The following TRAPPC9 variants were observed in gnomAD, a reference collection of about 807,000 sequenced individuals.
The protein encoded by TRAPPC9 is IKK2 binding protein.
TRAPPC9 carries 83 observed loss-of-function variants against 124.0 expected under a neutral mutation model. The ratio of observed to expected loss-of-function variants is 0.67; its 90% CI spans 0.56 to 0.80. TRAPPC9 has a LOEUF of 0.80. TRAPPC9 is among the 30% of genes least tolerant of loss of function. The pLI is 0.00. For missense variants in TRAPPC9, 1,302 were observed against 1,508.3 expected, an observed-to-expected ratio of 0.86 and a Z score of 2.27; for synonymous variants, 638 against 617.5, an observed-to-expected ratio of 1.03 and a Z score of -0.49.
chr8:139,798,185 A>G (rs1823235869), intron 21 of TRAPPC9, among the ~76,000 whole-genome samples: 2 of 152,176 alleles, frequency 1.3e-5, no homozygotes, highest in South Asian at 4.1e-4. Flanking sequence ...ATTTCTTTTA[A>G]CAATGTTTTG....
intron 10 of TRAPPC9, among the ~76,000 whole-genome samples, chr8:140,300,913 C>T (rs978209967): frequency 6.6e-6 from 1 of 152,224 alleles, no homozygotes; most frequent in Non-Finnish European, 1.5e-5. Context: ...CTTGAAATCT[C>T]GCTTCACACT....
intron 18 of TRAPPC9, among the ~76,000 whole-genome samples, chr8:139,997,268 AG>A: frequency 6.6e-6 from 1 of 152,102 alleles, no homozygotes; most frequent in East Asian, 1.9e-4. Flanking sequence ...CAACCCTCAC[AG>A]GGGAGACAAT....
intron 19 of TRAPPC9, among the ~76,000 whole-genome samples, chr8:139,924,035 C>G (rs1832663801): frequency 6.6e-6 from 1 of 152,176 alleles, no homozygotes; most frequent in Admixed American, 6.5e-5. Context: ...GGGGAGGGGG[C>G]ATGGCCAGGA....
At chr8:140,320,349 C>T (rs1174532306) in intron 9 of TRAPPC9, among the ~76,000 whole-genome samples, 1 of 152,232 alleles carries the variant, frequency 6.6e-6, no homozygotes, top group African/African-American at 2.4e-5. Flanking sequence ...TGTACCAACA[C>T]AGGCTATGTT....
In TRAPPC9 at chr8:139,848,473, A is replaced by T. The variant is rs191190400; in HGVS notation, c.3055+37406T>A. Among the ~76,000 whole-genome samples, 6 of 152,338 alleles carry T rather than the reference A, an allele frequency of 3.9e-5. No individual in the cohort carries two copies. The East Asian group carries it at 1.2e-3, about 29-fold the overall frequency. ...GAGAGGAAAACTTCCAGTGTTTATT[A>T]GGAAACCAGGACATGAGATATGGAA... On this transcript the variant is annotated intron_variant, in intron 21 of 22. Coordinates refer to ENST00000438773, the MANE Select transcript of TRAPPC9 (RefSeq NM_001160372.4).
intron 5 of TRAPPC9, among the ~76,000 whole-genome samples, chr8:140,410,141 C>CA (rs61149910): frequency 0.14 from 9,937 of 69,872 alleles, 1,972 homozygotes; most frequent in East Asian, 0.37. Context: ...ACCTTGTCTC[C>CA]AAAAAAAAAA....
chr8:139,941,140 G>A (rs996968483), intron 19 of TRAPPC9, among the ~76,000 whole-genome samples: 1 of 152,248 alleles, frequency 6.6e-6, no homozygotes, highest in African/African-American at 2.4e-5. Flanking sequence ...CAGGGCAGCA[G>A]AGCCTTGGGC....
At chr8:139,876,442 T>C (rs1373103112) in intron 21 of TRAPPC9, among the ~76,000 whole-genome samples, 1 of 152,200 alleles carries the variant, frequency 6.6e-6, no homozygotes, top group Non-Finnish European at 1.5e-5. Context: ...AGGCGGCAGC[T>C]GGGGGTCAGG....
intron 20 of TRAPPC9, among the ~76,000 whole-genome samples, chr8:139,898,065 G>A (rs1437716759): frequency 1.3e-5 from 2 of 152,242 alleles, no homozygotes; most frequent in Non-Finnish European, 2.9e-5. Context: ...GTGTCAGCTC[G>A]TCCCCTGCCA....
At chr8:139,963,958 C>T (rs1294986108) in intron 19 of TRAPPC9, among the ~76,000 whole-genome samples, 1 of 152,118 alleles carries the variant, frequency 6.6e-6, no homozygotes, top group Admixed American at 6.5e-5. Flanking sequence ...GGCACGGTGG[C>T]TCACGCCTGT....
chr8:139,958,670 T>C (rs965816136), intron 19 of TRAPPC9, among the ~76,000 whole-genome samples: 2 of 152,038 alleles, frequency 1.3e-5, no homozygotes, highest in Non-Finnish European at 2.9e-5. Flanking sequence ...CCGACCACTC[T>C]GTAGCCCCAG....
At chr8:140,272,130 C>CGATGATGATGGTGATGATGGT (rs2064930084) in intron 15 of TRAPPC9, among the ~76,000 whole-genome samples, 6 of 100,382 alleles carry the variant, frequency 6.0e-5, no homozygotes, top group African/African-American at 2.1e-4. Flanking sequence ...GTGATGGTGG[C>CGATGATGATGGTGATGATGGT]GATGGTGATG....
In TRAPPC9 at chr8:140,235,466, A is replaced by G. The variant is rs184979994; in HGVS notation, c.2432-13883T>C. ...AATCAGTTGGAAGGTAAATAACCCA[A>G]TAAAAAAATGAAGAAAATATTTTAA... On this transcript the variant is annotated intron_variant, in intron 16 of 22. Coordinates refer to ENST00000438773, the MANE Select transcript of TRAPPC9 (RefSeq NM_001160372.4). 8.5e-4 allele frequency among the ~76,000 whole-genome samples: 130 copies of G among 152,346 alleles called. 1 individual carries two copies. Among genetic ancestry groups the G allele is most frequent in the Middle Eastern group, 6.8e-3 (2 of 294 alleles).
At chr8:140,225,254 A>G (rs1237746977) in intron 16 of TRAPPC9, among the ~76,000 whole-genome samples, 1 of 152,294 alleles carries the variant, frequency 6.6e-6, no homozygotes, top group South Asian at 2.1e-4. Flanking sequence ...TGCAGGCTCT[A>G]ACAAATTGTA....
intron 16 of TRAPPC9, among the ~76,000 whole-genome samples, chr8:140,244,679 G>A (rs978752411): frequency 3.9e-5 from 6 of 152,070 alleles, no homozygotes; most frequent in African/African-American, 1.4e-4. Flanking sequence ...GCAGCAGCCT[G>A]GCTCGATCTT....
chr8:140,121,312 C>A (rs2060981957), intron 17 of TRAPPC9, among the ~76,000 whole-genome samples: 1 of 152,104 alleles, frequency 6.6e-6, no homozygotes, highest in Admixed American at 6.5e-5. Flanking sequence ...TGTTGTTGGA[C>A]CTTGAGATGC....
intron 17 of TRAPPC9, among the ~76,000 whole-genome samples, chr8:140,029,653 T>TAC (rs1840382273): frequency 1.3e-5 from 2 of 150,174 alleles, no homozygotes; most frequent in South Asian, 4.2e-4. Flanking sequence ...TATATATATA[T>TAC]ATACTCCCAA....
intron 21 of TRAPPC9, among the ~76,000 whole-genome samples, chr8:139,744,478 A>G (rs2130112104): frequency 6.6e-6 from 1 of 152,282 alleles, no homozygotes; most frequent in African/African-American, 2.4e-5. Flanking sequence ...CGGAAGAAGG[A>G]CTTGCTCCGT....
In TRAPPC9 at chr8:140,216,593, A is replaced by G. The variant is rs946258802; in HGVS notation, c.2556+4866T>C. 2.0e-5 allele frequency among the ~76,000 whole-genome samples: 3 copies of G among 152,192 alleles called. No homozygotes were observed. Among genetic ancestry groups the G allele is most frequent in the Non-Finnish European group, 4.4e-5 (3 of 67,994 alleles). On this transcript the variant is annotated intron_variant, in intron 17 of 22. Transcript: ENST00000438773. This position sits in a 1 kb window ranked among gnomAD's most constrained non-coding sequence, Gnocchi z 4.1. ...CCAACAAACTCCGCGTGCCTCTGAA[A>G]CCCTTGGCAGCCTGGCCTGTCTCCT...
Sources: gnomAD v4.1 joint callset for allele counts (sites outside exome capture counted in the v4.1 genomes callset) on GRCh38, gnomAD v4.1.1 for gene constraint, Gnocchi (gnomAD v3.1) non-coding constraint, MANE v1.5 for transcripts, NCBI Gene and HGNC (gene_info 2026-07-23, HGNC 2026-07-21) for gene names.